SANBR: variants seen among roughly 807,000 people sequenced by gnomAD.
The protein encoded by SANBR is SANT and BTB domain regulator of class switch recombination.
SANBR carries 77 observed loss-of-function variants against 101.8 expected under a neutral mutation model. The ratio of observed to expected loss-of-function variants is 0.76; its 90% CI spans 0.63 to 0.91. SANBR has a LOEUF of 0.91. SANBR is among the 40% of genes least tolerant of loss of function. The pLI is 0.00. For synonymous variants in SANBR, 279 were observed against 274.7 expected, an observed-to-expected ratio of 1.02 and a Z score of -0.15; for missense variants, 875 against 853.0, an observed-to-expected ratio of 1.03 and a Z score of -0.32.
chr2:61,117,896 T>G (rs1219762377), intron 19 of SANBR, 132 bp from the exon 20 acceptor site: 2 of 690,524 alleles, frequency 2.9e-6, no homozygotes, highest in East Asian at 5.4e-5. Flanking sequence ...CACAGATATA[T>G]AGATGTATGT....
At chr2:61,081,595 T>G (rs1184045717) in intron 7 of SANBR, 85 bp downstream of exon 7, 11 of 1,286,940 alleles carry the variant, frequency 8.5e-6, no homozygotes, top group Non-Finnish European at 1.2e-5. Flanking sequence ...TTCTGAGACT[T>G]TATTAAAATT....
chr2:61,134,033 A>C (rs956398605), intron 20 of SANBR: 63 of 1,528,740 alleles, frequency 4.1e-5, no homozygotes, highest in Non-Finnish European at 5.4e-5. Context: ...AATCTCACCA[A>C]TTTATCCTAA....
chr2:61,110,408 G>A (rs1261362983), intron 16 of SANBR, among the ~76,000 whole-genome samples: 2 of 150,320 alleles, frequency 1.3e-5, no homozygotes, highest in African/African-American at 4.9e-5. Flanking sequence ...GGCCGGGCAC[G>A]ATGGCTCATG....
At chr2:61,108,175 G>A in intron 14 of SANBR, 142 bp from the exon 15 acceptor site, 2 of 469,540 alleles carry the variant, frequency 4.3e-6, no homozygotes, top group Non-Finnish European at 7.5e-6. Context: ...ATCACTTTCA[G>A]CCTGAGTTTT....
rs1176615153 is a variant in SANBR at position 61,071,764 on chromosome 2, A to C, written c.309A>C (p.Pro103=). 16 of 1,601,752 alleles carry C rather than the reference A, an allele frequency of 1.0e-5. No homozygotes were observed. The highest frequency in any genetic ancestry group is 1.3e-5 in the Non-Finnish European group (15 of 1,176,674). The stretch of plus-strand genomic sequence containing the variant: ...TACATGGAGAATTTCAGGAGACTCC[A>C]GTTGGACATGATGCAGTTTCCAAAA... The part of the protein sequence containing the change: ...LDIHGEFQET[P]VGHDAVSKTG... Residue 103 remains proline (P), a synonymous_variant, in exon 4 of 22, where the codon CCA becomes CCC. Coordinates refer to ENST00000402291, the MANE Select transcript of SANBR (RefSeq NM_001129993.3).
chr2:61,126,812 T>G (rs1469283518), downstream of SANBR, among the ~76,000 whole-genome samples: 1 of 150,570 alleles, frequency 6.6e-6, no homozygotes, highest in Non-Finnish European at 1.5e-5. Flanking sequence ...ACACTAGTCC[T>G]ACATGGCCTA....
At chr2:61,086,319 A>G (rs981980101) in intron 8 of SANBR, among the ~76,000 whole-genome samples, 4 of 151,930 alleles carry the variant, frequency 2.6e-5, no homozygotes, top group Non-Finnish European at 4.4e-5. Flanking sequence ...GTGAGCCACC[A>G]TACCCAACCT....
chr2:61,131,898 A>G (rs764107367), intron 20 of SANBR, among the ~76,000 whole-genome samples: 4 of 152,244 alleles, frequency 2.6e-5, no homozygotes, highest in Non-Finnish European at 5.9e-5. Flanking sequence ...TTCTATGGTC[A>G]ACTGATTTTC....
intron 2 of SANBR, chr2:61,069,514 A>T (rs1681349818): frequency 6.6e-6 from 1 of 152,292 alleles, no homozygotes; most frequent in Non-Finnish European, 1.5e-5. Context: ...CCTAAAATAG[A>T]TCATTTTTGT....
chr2:61,066,844 G>T (rs919284619), intron 1 of SANBR, among the ~76,000 whole-genome samples: 4 of 152,186 alleles, frequency 2.6e-5, no homozygotes, highest in African/African-American at 9.7e-5. Context: ...AAGAGAAGGG[G>T]GTCGGGGAGG....
At chr2:61,125,604 T>C (rs1451435248), downstream of SANBR, among the ~76,000 whole-genome samples, 1 of 152,236 alleles carries the variant, frequency 6.6e-6, no homozygotes, top group East Asian at 1.9e-4. Flanking sequence ...ACAGCAGCTC[T>C]CTTTCTAAGA....
chr2:61,110,726 T>A, intron 16 of SANBR, among the ~76,000 whole-genome samples: 1 of 150,636 alleles, frequency 6.6e-6, no homozygotes, highest in Non-Finnish European at 1.5e-5. Flanking sequence ...CAGGTGCGTG[T>A]AATCACAGCT....
intron 8 of SANBR, 39 bp downstream of exon 8, chr2:61,083,353 T>C (rs1164504321): frequency 8.7e-7 from 1 of 1,147,900 alleles, no homozygotes; most frequent in Non-Finnish European, 1.3e-6. Context: ...AATACTCCTG[T>C]TAAAAGAAAT....
intron 20 of SANBR, among the ~76,000 whole-genome samples, chr2:61,118,618 G>A (rs1414281145): frequency 1.5e-5 from 2 of 131,776 alleles, no homozygotes; most frequent in African/African-American, 3.0e-5. Context: ...GAGACTTGCA[G>A]TGGTGCCATC....
At chr2:61,111,052 G>A (rs1177266) in intron 16 of SANBR, among the ~76,000 whole-genome samples, 96,940 of 151,948 alleles carry the variant, frequency 0.64, 32,812 homozygotes, top group African/African-American at 0.88. Context: ...TTAGAGAATT[G>A]AATGATTCTT....
chr2:61,133,599 T>G (rs1559160176), intron 20 of SANBR, among the ~76,000 whole-genome samples: 1 of 151,962 alleles, frequency 6.6e-6, no homozygotes, highest in Non-Finnish European at 1.5e-5. Context: ...CAAAAAAAAT[T>G]AATAAAAATT....
In SANBR at chr2:61,103,841, C is replaced by T. The variant is rs751266170; in HGVS notation, c.1366-12C>T. ...CAAACTAACCTCTAATTTATTGTCTCTTATGTGACAGGGCTGTAAAGTGAG... is the reference window on the plus strand; with the variant it reads ...CAAACTAACCTCTAATTTATTGTCTTTTATGTGACAGGGCTGTAAAGTGAG... On this transcript the variant is annotated splice_polypyrimidine_tract_variant and intron_variant, in intron 12 of 21. Coordinates refer to ENST00000402291, the MANE Select transcript of SANBR (RefSeq NM_001129993.3). The T allele has an allele frequency of 5.0e-6, 8 of 1,613,056 alleles. No homozygotes were observed. The highest frequency in any genetic ancestry group is 6.8e-6 in the Non-Finnish European group (8 of 1,179,396).
chr2:61,111,016 A>G (rs768946343), intron 16 of SANBR, among the ~76,000 whole-genome samples: 4 of 152,216 alleles, frequency 2.6e-5, no homozygotes, highest in Non-Finnish European at 5.9e-5. Context: ...CCATCAGTAG[A>G]TGGTAGTCAG....
exon 21 of SANBR, chr2:61,134,271 C>A: frequency 6.4e-7 from 1 of 1,558,050 alleles, no homozygotes; most frequent in Non-Finnish European, 8.7e-7. Context: ...TACTGCTTGA[C>A]ATATCGTAAG....
Sources: gnomAD v4.1 joint callset for allele counts (sites outside exome capture counted in the v4.1 genomes callset) on GRCh38, gnomAD v4.1.1 for gene constraint, MANE v1.5 for transcripts, NCBI Gene and HGNC (gene_info 2026-07-23, HGNC 2026-07-21) for gene names.